The following NAV2 variants were observed in gnomAD, a reference collection of about 807,000 sequenced individuals.
The protein encoded by NAV2 is helicase, APC down-regulated 1.
A neutral mutation model predicts 223.2 loss-of-function variants in NAV2; 54 were observed. The observed-to-expected ratio is 0.24, with a 90% CI of 0.19 to 0.30. The LOEUF (loss-of-function observed/expected upper bound fraction) is 0.30. NAV2 is among the 10% of genes least tolerant of loss of function. The pLI, the probability that NAV2 is intolerant of heterozygous loss-of-function variation, is 1.00. For synonymous variants in NAV2, 1,279 were observed against 1,239.3 expected (o/e 1.03, Z -0.67); for missense variants, 2,806 against 3,147.5 (o/e 0.89, Z 2.60).
rs140055995 is a variant in NAV2, at chr11:19,984,234, G to A, written c.2755G>A (p.Gly919Arg). 1.3e-5 allele frequency: 21 copies of A among 1,614,056 alleles called. No homozygotes were observed. The highest frequency in any genetic ancestry group is 8.0e-5 in the African/African-American group (6 of 74,932). The part of the protein sequence containing the change: ...TLQRNTSLGL[G>R]DADSWDDSSS... ...GCAACGAAATACCTCCCTGGGCCTC[G>A]GAGACGCTGACAGGTAAGCTTGCTG... Residue 919 changes from glycine to arginine, a missense_variant, in exon 11 of 38, where the codon GGA becomes AGA. By Grantham distance (125) the Gly-to-Arg change is moderately radical. Around this residue, in one of 4 missense-constraint regions of NAV2, gnomAD observed 73 missense variants for 119.7 expected, o/e 0.61. Transcript: ENST00000349880.
chr11:19,772,798 C>T (rs572819887), intron 1 of NAV2, among the ~76,000 whole-genome samples: 42 of 152,238 alleles, frequency 2.8e-4, no homozygotes, highest in African/African-American at 9.1e-4. Flanking sequence ...GTCTGAAGTT[C>T]CCCTGGCCGG....
At chr11:19,364,001 G>A (rs1006662707) in intron 1 of NAV2, among the ~76,000 whole-genome samples, 1 of 152,074 alleles carries the variant, frequency 6.6e-6, no homozygotes, top group Non-Finnish European at 1.5e-5. Context: ...ATGGTTTATG[G>A]ATTTTTATGG....
chr11:19,939,986 C>T (rs1046634410), intron 8 of NAV2, among the ~76,000 whole-genome samples: 1 of 151,870 alleles, frequency 6.6e-6, no homozygotes, highest in Admixed American at 6.6e-5. Context: ...TTCCCTCCTC[C>T]CCAGAATCGT....
intron 1 of NAV2, among the ~76,000 whole-genome samples, chr11:19,454,589 C>A (rs955576117): frequency 2.0e-5 from 3 of 152,162 alleles, no homozygotes; most frequent in Admixed American, 2.0e-4. Context: ...TGACTGCTCA[C>A]TGTTTGCCAG....
chr11:19,747,213 G>A (rs1228694495), intron 1 of NAV2, among the ~76,000 whole-genome samples: 2 of 151,820 alleles, frequency 1.3e-5, no homozygotes, highest in African/African-American at 4.8e-5. Context: ...TCCCTATAAA[G>A]GACACGAACT....
chr11:20,115,098 C>T (rs964493862), intron 37 of NAV2, among the ~76,000 whole-genome samples: 1 of 152,104 alleles, frequency 6.6e-6, no homozygotes, highest in African/African-American at 2.4e-5. Context: ...TGGGATGCCA[C>T]CTCTATTACC....
intron 1 of NAV2, among the ~76,000 whole-genome samples, chr11:19,530,451 C>A (rs977441964): frequency 6.6e-6 from 1 of 152,216 alleles, no homozygotes; most frequent in Non-Finnish European, 1.5e-5. Context: ...GGGCTCACAG[C>A]AATTGTATGA....
intron 10 of NAV2, among the ~76,000 whole-genome samples, chr11:19,971,626 C>G (rs1375686950): frequency 6.6e-6 from 1 of 152,092 alleles, no homozygotes; most frequent in East Asian, 1.9e-4. Context: ...AAATCTGGTA[C>G]CTTAATTAGT....
At position 20,044,060 on chromosome 11, in the gene NAV2, C is replaced by T; in HGVS notation, c.2987C>T (p.Ser996Leu). The change falls in exon 13 of 38, where the codon TCA becomes TTA. Residue 996 changes from serine (S) to leucine (L), a missense_variant. By Grantham distance (145) the Ser-to-Leu change is moderately radical. This residue lies in a region of NAV2 where 742 missense variants were observed against 777.9 expected (regional missense o/e 0.95). Transcript: ENST00000349880. ...GDDVKKSDGG[S>L]DSGIKMEPGS... ...GATGTCAAGAAATCAGACGGAGGCT[C>T]AGACAGCGGCATAAAAATGGAGCCA... is the stretch of plus-strand genomic sequence containing the variant. The T allele has an allele frequency of 1.2e-6, 2 of 1,614,184 alleles. No individual in the cohort carries two copies. The highest frequency in any genetic ancestry group is 1.7e-6 in the Non-Finnish European group (2 of 1,180,018).
At chr11:19,821,273 A>C (rs1160619807) in intron 1 of NAV2, among the ~76,000 whole-genome samples, 2 of 151,950 alleles carry the variant, frequency 1.3e-5, no homozygotes, top group Non-Finnish European at 2.9e-5. Context: ...AAAAAAAAAA[A>C]AAAAAAAAAG....
intron 31 of NAV2, among the ~76,000 whole-genome samples, chr11:20,100,531 A>G (rs2061556787): frequency 6.7e-6 from 1 of 149,088 alleles, no homozygotes. Flanking sequence ...TGCCATAGGT[A>G]TAGTATACTA....
At chr11:19,530,615 C>T (rs115155969) in intron 1 of NAV2, among the ~76,000 whole-genome samples, 1 of 152,250 alleles carries the variant, frequency 6.6e-6, no homozygotes, top group Non-Finnish European at 1.5e-5. Flanking sequence ...CGCTGTGCTT[C>T]TGTCTGAGTT....
rs2048059152 is a variant in NAV2, at chr11:19,654,435, T to G, written c.76-178049T>G. Among the ~76,000 whole-genome samples the G allele has an allele frequency of 2.6e-5, 4 of 152,260 alleles. No homozygotes were observed. The South Asian group carries it at 6.2e-4, about 24-fold the overall frequency. ...CCAAAAAAGAGCCCACATTGCCAAG[T>G]CAATCATAGGCCAAAAGAACAAAGC... On this transcript the variant is annotated intron_variant, in intron 1 of 37. Coordinates refer to the NAV2 transcript ENST00000360655.
intron 1 of NAV2, among the ~76,000 whole-genome samples, chr11:19,758,244 G>A (rs1256000203): frequency 6.6e-6 from 1 of 152,184 alleles, no homozygotes; most frequent in Non-Finnish European, 1.5e-5. Flanking sequence ...TTAGTGTGAA[G>A]GAACCAGGTG....
At chr11:19,559,775 G>A (rs929432398) in intron 1 of NAV2, among the ~76,000 whole-genome samples, 1 of 152,192 alleles carries the variant, frequency 6.6e-6, no homozygotes, top group East Asian at 1.9e-4. Flanking sequence ...CCTGGGGATG[G>A]GAAGTGCTTT....
chr11:19,894,047 GTA>G (rs571680710), intron 6 of NAV2, among the ~76,000 whole-genome samples: 2 of 152,028 alleles, frequency 1.3e-5, no homozygotes, highest in African/African-American at 2.4e-5. Context: ...ATTTGTGTGT[GTA>G]TATATATATG....
chr11:19,580,080 A>T (rs2045672226), intron 1 of NAV2, among the ~76,000 whole-genome samples: 1 of 152,110 alleles, frequency 6.6e-6, no homozygotes, highest in Admixed American at 6.5e-5. Context: ...TATGAATGGG[A>T]TATATTTATT....
chr11:20,079,617 A>G (rs2059964362), intron 24 of NAV2, among the ~76,000 whole-genome samples: 1 of 152,206 alleles, frequency 6.6e-6, no homozygotes, highest in Admixed American at 6.5e-5. Flanking sequence ...GGAAAAGAAT[A>G]TCCAGATAGA....
At chr11:20,078,499 C>T (rs1057466398) in intron 24 of NAV2, among the ~76,000 whole-genome samples, 1 of 152,190 alleles carries the variant, frequency 6.6e-6, no homozygotes, top group South Asian at 2.1e-4. Flanking sequence ...TGCTCTGTCA[C>T]CCAGGTTGAA....
Sources: gnomAD v4.1 joint callset for allele counts (sites outside exome capture counted in the v4.1 genomes callset) on GRCh38, gnomAD v4.1.1 for gene constraint, gnomAD v4.1.1 regional missense constraint, MANE v1.5 for transcripts, NCBI Gene and HGNC (gene_info 2026-07-23, HGNC 2026-07-21) for gene names.